The following NSMAF variants were observed in gnomAD, a reference collection of about 807,000 sequenced individuals.
The protein encoded by NSMAF is protein FAN.
NSMAF carries 90 observed loss-of-function variants against 134.9 expected under a neutral mutation model. The ratio of observed to expected loss-of-function variants is 0.67; its 90% CI spans 0.56 to 0.79. The LOEUF (loss-of-function observed/expected upper bound fraction) is 0.79, where lower values mean the gene tolerates loss of function less well. NSMAF is among the 30% of genes least tolerant of loss of function. NSMAF has a pLI of 0.00. For missense variants in NSMAF, 1,010 were observed against 1,119.0 expected (o/e 0.90, Z 1.39); for synonymous variants, 358 against 389.6 (o/e 0.92, Z 0.96).
intron 5 of NSMAF, among the ~76,000 whole-genome samples, chr8:58,634,340 A>C (rs1373745425): frequency 6.6e-6 from 1 of 152,214 alleles, no homozygotes; most frequent in South Asian, 2.1e-4. Flanking sequence ...AAAAGGCTTC[A>C]GTGATAGAAA....
intron 17 of NSMAF, 29 bp downstream of exon 17, chr8:58,599,941 G>A (rs1806239078): frequency 6.2e-7 from 1 of 1,612,950 alleles, no homozygotes; most frequent in African/African-American, 1.3e-5. Context: ...CCCAAGTCCA[G>A]TTACTCATCA....
chr8:58,585,593 G>GCAGGCTTGA lies in NSMAF; in HGVS notation c.2659+50_2659+58dup. 5.7e-6 allele frequency: 7 copies of GCAGGCTTGA among 1,231,886 alleles called. No homozygotes were observed. In the South Asian group the frequency reaches 7.3e-5, roughly 13 times the overall value. 76.3% of individuals were successfully genotyped at this position (1,231,886 alleles called of 1,614,324 possible). On this transcript the variant is annotated intron_variant, in intron 30 of 30. Coordinates refer to ENST00000038176, the MANE Select transcript of NSMAF (RefSeq NM_003580.4). ...AAGAGTATGTTCCCTGATGGAAAAG[G>GCAGGCTTGA]CAGGCTTGAGTTCATTATCTTGAGA...
intron 26 of NSMAF, 119 bp downstream of exon 26, chr8:58,589,331 AAC>A (rs1805971853): frequency 1.6e-6 from 1 of 626,750 alleles, no homozygotes; most frequent in Non-Finnish European, 2.3e-6. Flanking sequence ...GGAGTGACTG[AAC>A]ACATTAGCAA....
At chr8:58,604,705 C>G (rs1806364711) in intron 12 of NSMAF, among the ~76,000 whole-genome samples, 1 of 151,994 alleles carries the variant, frequency 6.6e-6, no homozygotes, top group African/African-American at 2.4e-5. Context: ...AAATAACAAA[C>G]ACATTAAGAT....
chr8:58,607,236 A>T (rs1806430340), intron 11 of NSMAF, among the ~76,000 whole-genome samples: 1 of 152,272 alleles, frequency 6.6e-6, no homozygotes, highest in Admixed American at 6.5e-5. Flanking sequence ...TGTGTCGGAA[A>T]TAGGACCTAA....
chr8:58,585,293 T>G (rs1384423484), intron 30 of NSMAF, among the ~76,000 whole-genome samples: 2 of 151,506 alleles, frequency 1.3e-5, no homozygotes, highest in Non-Finnish European at 2.9e-5. Flanking sequence ...ATTTTCATTG[T>G]AGTTCCTATT....
intron 25 of NSMAF, 61 bp from the exon 26 acceptor site, chr8:58,589,636 T>C: frequency 6.8e-7 from 1 of 1,463,922 alleles, no homozygotes; most frequent in Non-Finnish European, 9.1e-7. Context: ...CTCCTAAACA[T>C]ATATTAAAGA....
In NSMAF at chr8:58,586,581, T is replaced by A. The variant is rs1340500535; in HGVS notation, c.2323A>T (p.Ser775Cys). The A allele has an allele frequency of 6.2e-7, 1 of 1,613,934 alleles. No individual in the cohort carries two copies. The highest frequency in any genetic ancestry group is 8.5e-7 in the Non-Finnish European group (1 of 1,179,918). The change falls in exon 28 of 31, where the codon AGC becomes TGC. Residue 775 changes from serine to cysteine, a missense_variant. Ser to Cys is a moderately radical substitution (Grantham distance 112). Transcript: ENST00000038176. Reference protein sequence around the residue: ...SVDTISLNAASTLLVSGTKEG... With the variant: ...SVDTISLNAACTLLVSGTKEG... ...TTGGTGCCGGAAACTAACAGTGTGC[T>A]TGCAGCATTTAAACTGATTGTATCT... is the stretch of plus-strand genomic sequence containing the variant.
At chr8:58,623,870 T>C (rs1044326084) in intron 6 of NSMAF, 90 bp from the exon 7 acceptor site, 5 of 979,934 alleles carry the variant, frequency 5.1e-6, no homozygotes, top group Non-Finnish European at 7.9e-6. Flanking sequence ...GAACCTGCTA[T>C]GATAAAATCT....
In NSMAF at chr8:58,607,784, G is replaced by A. The variant is rs779285205; in HGVS notation, c.744C>T (p.His248=). The A allele has an allele frequency of 3.8e-5, 61 of 1,613,814 alleles. No individual in the cohort carries two copies. The highest frequency in any genetic ancestry group is 4.6e-5 in the Non-Finnish European group (54 of 1,179,782). ...QDVRRIYKRR[H]GLMPLGLEVF... is the part of the protein sequence containing the mutation. ...AAGGACTCACCAGAGGCATGAGGCC[G>A]TGCCTCCTTTTGTAGATGCGGCGGA... The change falls in exon 11 of 31, where the codon CAC becomes CAT. Residue 248 remains histidine, a synonymous_variant. Transcript: ENST00000038176.
chr8:58,592,843 TG>T (rs1308429281), intron 23 of NSMAF, among the ~76,000 whole-genome samples: 1 of 151,214 alleles, frequency 6.6e-6, no homozygotes, highest in African/African-American at 2.4e-5. Context: ...GCCAAGATCG[TG>T]CCATTGCCCT....
chr8:58,613,876 C>A (rs1806592196), intron 9 of NSMAF, among the ~76,000 whole-genome samples: 1 of 152,172 alleles, frequency 6.6e-6, no homozygotes, highest in Admixed American at 6.5e-5. Context: ...CTCCAATGAG[C>A]ATTTCCTTTG....
intron 1 of NSMAF, among the ~76,000 whole-genome samples, chr8:58,648,498 G>A (rs770014573): frequency 2.6e-5 from 4 of 152,214 alleles, no homozygotes; most frequent in Non-Finnish European, 5.9e-5. Flanking sequence ...GTTGCCAAGG[G>A]CTAATATCCA....
chr8:58,602,996 T>C (rs1585734992), intron 13 of NSMAF, among the ~76,000 whole-genome samples: 1 of 152,194 alleles, frequency 6.6e-6, no homozygotes, highest in African/African-American at 2.4e-5. Context: ...CTTCAAGAAG[T>C]ATGGTGGAAA....
At position 58,599,213 on chromosome 8, in the gene NSMAF, T is replaced by G; in HGVS notation, c.1585+19A>C. The stretch of plus-strand genomic sequence containing the variant: ...ATATTCACCCAATGCTAAATAAAAT[T>G]TCAATGAATATTACATACCATTATG... On this transcript the variant is annotated intron_variant, in intron 19 of 30. Coordinates refer to ENST00000038176, the MANE Select transcript of NSMAF (RefSeq NM_003580.4). 1 of 1,593,270 alleles carries G rather than the reference T, an allele frequency of 6.3e-7. No homozygotes were observed. Among genetic ancestry groups the G allele is most frequent in the Non-Finnish European group, 8.5e-7 (1 of 1,170,068 alleles).
At chr8:58,613,706 C>T (rs771335954) in intron 9 of NSMAF, among the ~76,000 whole-genome samples, 2 of 152,124 alleles carry the variant, frequency 1.3e-5, no homozygotes, top group African/African-American at 4.8e-5. Context: ...TAAGTAGATA[C>T]ATAAATACTA....
At chr8:58,652,589 C>A (rs1807610721) in intron 1 of NSMAF, among the ~76,000 whole-genome samples, 1 of 152,138 alleles carries the variant, frequency 6.6e-6, no homozygotes, top group Non-Finnish European at 1.5e-5. Flanking sequence ...CCCTGGAGTG[C>A]TGGTTTCTCC....
chr8:58,597,793 C>T, intron 20 of NSMAF, 67 bp downstream of exon 20: 5 of 1,155,058 alleles, frequency 4.3e-6, no homozygotes, highest in Non-Finnish European at 6.4e-6. Context: ...CAAATAAATA[C>T]ATTAATAATT....
chr8:58,636,605 G>T (rs1280619504), intron 2 of NSMAF, among the ~76,000 whole-genome samples: 1 of 152,220 alleles, frequency 6.6e-6, no homozygotes, highest in Admixed American at 6.5e-5. Flanking sequence ...TAAAGAGCCA[G>T]ATAGTAAATA....
Sources: allele counts gnomAD v4.1 joint callset (sites outside exome capture counted in the v4.1 genomes callset), GRCh38; gene constraint gnomAD v4.1.1; transcripts MANE v1.5; gene names NCBI Gene and HGNC (gene_info 2026-07-23, HGNC 2026-07-21).